The following SHOC2 variants were observed in gnomAD, a reference collection of about 807,000 sequenced individuals.
The protein encoded by SHOC2 is SHOC2 leucine rich repeat scaffold protein.
A neutral mutation model predicts 50.2 loss-of-function variants in SHOC2; 4 were observed. That is an observed-to-expected ratio of 0.08 (90% CI 0.04 to 0.18). The LOEUF is 0.18. SHOC2 is among the 10% of genes least tolerant of loss of function. SHOC2 has a pLI of 1.00. For synonymous variants in SHOC2, 218 were observed against 244.5 expected (o/e 0.89, Z 1.01); for missense variants, 388 against 669.6 (o/e 0.58, Z 4.64).
chr10:110,951,308 A>G (rs1442945095), intron 1 of SHOC2, among the ~76,000 whole-genome samples: 1 of 152,178 alleles, frequency 6.6e-6, no homozygotes, highest in Non-Finnish European at 1.5e-5. Context: ...GGGAAATGCA[A>G]ATAAAAACCA....
chr10:110,951,576 GTGAAATGTCTACGTTC>G (rs1419979185), intron 1 of SHOC2: 1 of 152,162 alleles, frequency 6.6e-6, no homozygotes, highest in Non-Finnish European at 1.5e-5. Flanking sequence ...TTATTATATT[GTGAAATGTCTACGTTC>G]CCATGTTCAT....
intron 4 of SHOC2, among the ~76,000 whole-genome samples, chr10:111,001,157 CTT>C (rs11379743): frequency 7.0e-5 from 9 of 129,216 alleles, no homozygotes; most frequent in Admixed American, 1.6e-4. Context: ...AGATATAATA[CTT>C]TTTTTTTTTT....
In SHOC2 at chr10:110,919,637, G is replaced by T; in HGVS notation, c.-255G>T. On this transcript the variant is annotated 5_prime_UTR_variant, in exon 1 of 9. Coordinates refer to ENST00000369452, the MANE Select transcript of SHOC2 (RefSeq NM_007373.4). ...GGAAGGAGGGCGAGCGAGGAGGATG[G>T]CGGAGTCGGGGCTCCTGACGGTAAC... 1 of 398,976 alleles carries T rather than the reference G, an allele frequency of 2.5e-6. No homozygotes were observed. 24.7% of individuals were successfully genotyped at this position (398,976 alleles called of 1,614,324 possible).
chr10:110,986,011 A>T lies in SHOC2; in HGVS notation c.841+246A>T, dbSNP rs1471712097. On this transcript the variant is annotated intron_variant, in intron 3 of 8. Coordinates refer to ENST00000369452, the MANE Select transcript of SHOC2 (RefSeq NM_007373.4). ...AGAATATTGAGTTACATGTATATAT[A>T]TTCTGTCATAGTTTGAATTGCAAAA... 1.5e-5 allele frequency: 6 copies of T among 405,560 alleles called. No individual in the cohort carries two copies. The East Asian group carries it at 2.8e-4, about 19-fold the overall frequency. The allele number at this position is 405,560 out of a possible 1,614,324, so 25.1% of individuals were successfully genotyped here.
intron 1 of SHOC2, among the ~76,000 whole-genome samples, chr10:110,923,939 A>G (rs995617643): frequency 3.9e-5 from 6 of 152,118 alleles, no homozygotes; most frequent in Non-Finnish European, 5.9e-5. Context: ...AGTTTTTCTA[A>G]TGTCTTGGAG....
At chr10:110,946,152 G>A (rs1321211319) in intron 1 of SHOC2, among the ~76,000 whole-genome samples, 3 of 151,792 alleles carry the variant, frequency 2.0e-5, no homozygotes, top group Admixed American at 6.6e-5. Context: ...TGAAATCCTT[G>A]ATATCTTATT....
chr10:110,985,523 C>T (rs573286932), intron 2 of SHOC2, 105 bp from the exon 3 acceptor site: 76 of 838,480 alleles, frequency 9.1e-5, no homozygotes, highest in African/African-American at 6.0e-4. Flanking sequence ...TTATGTTTCC[C>T]GTTGTTTGTG....
At chr10:110,977,789 TA>T (rs1319423299) in intron 2 of SHOC2, among the ~76,000 whole-genome samples, 3 of 152,218 alleles carry the variant, frequency 2.0e-5, no homozygotes, top group Non-Finnish European at 4.4e-5. Context: ...GACTCCCTGA[TA>T]AACTATATAT....
intron 3 of SHOC2, among the ~76,000 whole-genome samples, chr10:110,990,686 G>C (rs1848168514): frequency 6.6e-6 from 1 of 151,782 alleles, no homozygotes; most frequent in Non-Finnish European, 1.5e-5. Context: ...ACCCACTCGG[G>C]TCCCCTTCCA....
chr10:111,010,216 C>G (rs1848541483), intron 8 of SHOC2, among the ~76,000 whole-genome samples: 1 of 151,782 alleles, frequency 6.6e-6, no homozygotes, highest in Admixed American at 6.6e-5. Context: ...AATATTTAAC[C>G]AATATTAACA....
chr10:110,983,857 A>T (rs1467297149), intron 2 of SHOC2, among the ~76,000 whole-genome samples: 1 of 152,204 alleles, frequency 6.6e-6, no homozygotes, highest in Admixed American at 6.5e-5. Context: ...AATGTATTCA[A>T]GTCTGTATAA....
chr10:110,963,095 G>A (rs557070548), intron 1 of SHOC2, among the ~76,000 whole-genome samples: 83 of 152,252 alleles, frequency 5.5e-4, no homozygotes, highest in Middle Eastern at 6.8e-3. Flanking sequence ...AGTCAGGTAA[G>A]AAGTTATTTT....
chr10:110,937,758 TAAAC>T (rs1448932555), intron 1 of SHOC2, among the ~76,000 whole-genome samples: 1 of 152,212 alleles, frequency 6.6e-6, no homozygotes, highest in African/African-American at 2.4e-5. Context: ...TTTGTTTTAT[TAAAC>T]AAAATCACAA....
chr10:110,921,733 A>G (rs1465287342), intron 1 of SHOC2, among the ~76,000 whole-genome samples: 1 of 152,104 alleles, frequency 6.6e-6, no homozygotes, highest in African/African-American at 2.4e-5. Flanking sequence ...TTTATTGAGT[A>G]TGGTCACCCT....
chr10:111,003,932 T>C (rs1359358578), intron 4 of SHOC2, among the ~76,000 whole-genome samples: 1 of 152,218 alleles, frequency 6.6e-6, no homozygotes, highest in African/African-American at 2.4e-5. Context: ...GATTCTTTGG[T>C]AATACCTGAA....
intron 2 of SHOC2, among the ~76,000 whole-genome samples, chr10:110,979,866 A>G (rs970339619): frequency 2.7e-5 from 3 of 109,210 alleles, no homozygotes; most frequent in African/African-American, 6.9e-5. Context: ...CAAGCTCAGT[A>G]TCTTCGGATC....
intron 2 of SHOC2, among the ~76,000 whole-genome samples, chr10:110,967,045 G>A (rs900150324): frequency 1.3e-5 from 2 of 152,084 alleles, no homozygotes; most frequent in African/African-American, 2.4e-5. Flanking sequence ...GAAAATAAAG[G>A]TTAGTAAAAA....
intron 1 of SHOC2, among the ~76,000 whole-genome samples, chr10:110,943,069 T>C (rs1429933479): frequency 1.3e-5 from 2 of 152,182 alleles, no homozygotes; most frequent in African/African-American, 4.8e-5. Context: ...GTGGATTCTC[T>C]TTGAATTTAT....
chr10:111,007,715 T>C, intron 6 of SHOC2, 62 bp downstream of exon 6: 9 of 1,569,876 alleles, frequency 5.7e-6, no homozygotes, highest in Non-Finnish European at 7.9e-6. Flanking sequence ...ATTTAAAAAT[T>C]TCAAATTTAA....
Sources: allele counts gnomAD v4.1 joint callset (sites outside exome capture counted in the v4.1 genomes callset), GRCh38; gene constraint gnomAD v4.1.1; transcripts MANE v1.5; gene names NCBI Gene and HGNC (gene_info 2026-07-23, HGNC 2026-07-21).